The following SLC4A10 variants were observed in gnomAD, a reference collection of about 807,000 sequenced individuals.
The protein encoded by SLC4A10 is sodium-driven chloride bicarbonate exchanger.
Under a neutral mutation model 137.7 loss-of-function variants are expected in SLC4A10, and 42 were observed. The observed-to-expected ratio is 0.30, with a 90% CI of 0.24 to 0.39. The LOEUF is 0.39. SLC4A10 is among the 10% of genes least tolerant of loss of function. SLC4A10 has a pLI of 1.00. For missense variants in SLC4A10, 925 were observed against 1,355.0 expected, an observed-to-expected ratio of 0.68 and a Z score of 4.98; for synonymous variants, 474 against 464.1, an observed-to-expected ratio of 1.02 and a Z score of -0.27.
intron 3 of SLC4A10, among the ~76,000 whole-genome samples, chr2:161,827,685 C>T (rs1462840177): frequency 6.6e-6 from 1 of 152,064 alleles, no homozygotes; most frequent in Non-Finnish European, 1.5e-5. Context: ...CCTGCCTCAG[C>T]CTTCCGAGTA....
Position 161,708,246 on chromosome 2 carries a change from C to A in SLC4A10, c.49-62727C>A, listed in dbSNP as rs533318735. Among the ~76,000 whole-genome samples, 3 of 151,446 alleles carry A rather than the reference C, an allele frequency of 2.0e-5. No individual in the cohort carries two copies. The East Asian group carries it at 5.8e-4, about 29-fold the overall frequency. ...ATATTCAGAGTTTGGAGGGAAAATT[C>A]CTTTAAGAGAGTATAATTTTGCTTG... On this transcript the variant is annotated intron_variant, in intron 1 of 26. Coordinates refer to ENST00000446997, the MANE Select transcript of SLC4A10 (RefSeq NM_001178015.2).
intron 6 of SLC4A10, among the ~76,000 whole-genome samples, chr2:161,863,569 A>G (rs939985695): frequency 1.3e-5 from 2 of 152,208 alleles, no homozygotes; most frequent in Non-Finnish European, 1.5e-5. Context: ...GTGGCTTTAC[A>G]TACATTATGG....
intron 1 of SLC4A10, among the ~76,000 whole-genome samples, chr2:161,693,587 C>T (rs770685807): frequency 1.9e-4 from 29 of 150,976 alleles, no homozygotes; most frequent in Non-Finnish European, 3.0e-4. Context: ...AAAGTTTGTA[C>T]CATTTGACCA....
chr2:161,650,374 C>A (rs1005079275), intron 1 of SLC4A10, among the ~76,000 whole-genome samples: 1 of 152,258 alleles, frequency 6.6e-6, no homozygotes, highest in Admixed American at 6.5e-5. Flanking sequence ...AGTGGCCCGT[C>A]TGGAGAAGCT....
chr2:161,685,022 G>A (rs941948439), intron 1 of SLC4A10, among the ~76,000 whole-genome samples: 1 of 152,084 alleles, frequency 6.6e-6, no homozygotes, highest in Non-Finnish European at 1.5e-5. Context: ...CCATAGAGAG[G>A]CATAAAGCCA....
intron 15 of SLC4A10, among the ~76,000 whole-genome samples, chr2:161,914,313 A>G (rs1360644909): frequency 3.3e-5 from 5 of 152,226 alleles, no homozygotes; most frequent in African/African-American, 1.2e-4. Context: ...CATAGCTCTC[A>G]GTTTTAGGCA....
intron 8 of SLC4A10, among the ~76,000 whole-genome samples, chr2:161,877,316 C>G (rs2061501212): frequency 6.6e-6 from 1 of 151,842 alleles, no homozygotes; most frequent in African/African-American, 2.4e-5. Flanking sequence ...AAGATGTTTT[C>G]TCATTTTAAA....
chr2:161,919,430 C>A (rs1432500299), intron 15 of SLC4A10, among the ~76,000 whole-genome samples: 1 of 152,050 alleles, frequency 6.6e-6, no homozygotes. Flanking sequence ...TCACCCATGG[C>A]CACCCATGGA....
chr2:161,663,038 C>T (rs1267945260), intron 1 of SLC4A10, among the ~76,000 whole-genome samples: 1 of 152,128 alleles, frequency 6.6e-6, no homozygotes, highest in Non-Finnish European at 1.5e-5. Flanking sequence ...CCTTATGGTA[C>T]CCCATTAGGT....
chr2:161,902,482 AG>A (rs779745456), intron 12 of SLC4A10, among the ~76,000 whole-genome samples: 5 of 151,940 alleles, frequency 3.3e-5, no homozygotes, highest in African/African-American at 9.6e-5. Context: ...AATAAAAAAA[AG>A]TGCATATGTT....
intron 15 of SLC4A10, among the ~76,000 whole-genome samples, chr2:161,930,845 G>T (rs774676230): frequency 7.9e-5 from 12 of 152,166 alleles, no homozygotes; most frequent in African/African-American, 4.8e-5. Flanking sequence ...TTCCAGCAAA[G>T]TTGACAAAGT....
At chr2:161,965,849 AT>A (rs1406501549) in intron 23 of SLC4A10, among the ~76,000 whole-genome samples, 11 of 152,138 alleles carry the variant, frequency 7.2e-5, no homozygotes, top group Non-Finnish European at 1.6e-4. Flanking sequence ...CTTAATCAAC[AT>A]TTTTTTAAGT....
chr2:161,935,775 A>G (rs1330316082), intron 15 of SLC4A10, among the ~76,000 whole-genome samples: 1 of 151,960 alleles, frequency 6.6e-6, no homozygotes, highest in Non-Finnish European at 1.5e-5. Flanking sequence ...GATGCCTTTT[A>G]TTTCTTTCTT....
chr2:161,760,675 G>T (rs35304298), intron 1 of SLC4A10, among the ~76,000 whole-genome samples: 12,373 of 152,034 alleles, frequency 0.081, 645 homozygotes, highest in East Asian at 0.14. Context: ...GTCTCTTTCA[G>T]TGGAGCCTTT....
intron 6 of SLC4A10, among the ~76,000 whole-genome samples, chr2:161,871,261 G>A (rs1197130670): frequency 6.6e-6 from 1 of 151,834 alleles, no homozygotes; most frequent in Non-Finnish European, 1.5e-5. Flanking sequence ...GATTTAGGTA[G>A]GTAGAGAGAA....
chr2:161,735,543 C>T (rs753856688), intron 1 of SLC4A10, among the ~76,000 whole-genome samples: 1 of 152,084 alleles, frequency 6.6e-6, no homozygotes, highest in Non-Finnish European at 1.5e-5. Flanking sequence ...AATGCCTTCC[C>T]CAGTCATGCT....
intron 3 of SLC4A10, among the ~76,000 whole-genome samples, chr2:161,819,211 A>G (rs1229376852): frequency 2.0e-5 from 3 of 152,138 alleles, no homozygotes; most frequent in Non-Finnish European, 2.9e-5. Context: ...TTATGCTTAC[A>G]TCATAGGAAA....
chr2:161,714,272 A>C (rs989449454), intron 1 of SLC4A10, among the ~76,000 whole-genome samples: 2 of 151,944 alleles, frequency 1.3e-5, no homozygotes, highest in African/African-American at 4.8e-5. Context: ...ACAAATTTTC[A>C]GTGCTTGTCT....
In SLC4A10 at chr2:161,904,757, C is replaced by A; in HGVS notation, c.1618-19C>A. The stretch of plus-strand genomic sequence containing the variant: ...TCCTGTACAGCTTAGGTAATTGAAC[C>A]ATTTATATCTCTACACAGAGTGCAA... On this transcript the variant is annotated intron_variant, in intron 13 of 26. Transcript: ENST00000446997. 1 of 1,612,124 alleles carries A rather than the reference C, an allele frequency of 6.2e-7. No homozygotes were observed. The highest frequency in any genetic ancestry group is 8.5e-7 in the Non-Finnish European group (1 of 1,178,968).
Sources: gnomAD v4.1 joint callset for allele counts (sites outside exome capture counted in the v4.1 genomes callset) on GRCh38, gnomAD v4.1.1 for gene constraint, MANE v1.5 for transcripts, NCBI Gene and HGNC (gene_info 2026-07-23, HGNC 2026-07-21) for gene names.